The following GPALPP1 variants were observed in gnomAD, a reference collection of about 807,000 sequenced individuals.
The protein encoded by GPALPP1 is GPALPP motifs containing 1, also known as GPALPP motifs-containing protein 1.
Under a neutral mutation model 38.9 loss-of-function variants are expected in GPALPP1, and 30 were observed. The ratio of observed to expected loss-of-function variants is 0.77; its 90% confidence interval spans 0.58 to 1.05. The LOEUF (loss-of-function observed/expected upper bound fraction) is 1.05, where lower values mean the gene tolerates loss of function less well. GPALPP1 is among the 50% of genes least tolerant of loss of function. The pLI, the probability that GPALPP1 is intolerant of heterozygous loss-of-function variation, is 0.00. For synonymous variants in GPALPP1, 120 were observed against 139.2 expected (o/e 0.86, Z 0.97); for missense variants, 384 against 408.8 (o/e 0.94, Z 0.52).
At position 45,006,308 on chromosome 13, in the gene GPALPP1, T is replaced by G. The variant is rs1874102221; in HGVS notation, c.323+5T>G. 5 of 1,436,634 alleles carry G rather than the reference T, an allele frequency of 3.5e-6. No homozygotes were observed. Among genetic ancestry groups the G allele is most frequent in the Non-Finnish European group, 4.9e-6 (5 of 1,024,888 alleles). 89.0% of individuals were successfully genotyped at this position (1,436,634 alleles called of 1,614,324 possible). ...GCAGGATGATTCTCCTCCAAGGTGA[T>G]AATGTGTAATATTTTAGGCCAGTCT... On this transcript the variant is annotated splice_donor_5th_base_variant and intron_variant, in intron 3 of 7. Coordinates refer to ENST00000379151, the MANE Select transcript of GPALPP1 (RefSeq NM_018559.5).
intron 1 of GPALPP1, among the ~76,000 whole-genome samples, chr13:44,992,199 T>C (rs1872852822): frequency 6.6e-6 from 1 of 152,188 alleles, no homozygotes; most frequent in Non-Finnish European, 1.5e-5. Flanking sequence ...TTTGTAGCAA[T>C]ATCTCATGGT....
At chr13:44,999,560 A>G (rs1427458230) in intron 1 of GPALPP1, among the ~76,000 whole-genome samples, 2 of 152,200 alleles carry the variant, frequency 1.3e-5, no homozygotes, top group East Asian at 3.8e-4. Context: ...ATTGTGGCGT[A>G]TACTGACTGA....
chr13:45,033,572 AT>A (rs1219520098), downstream of GPALPP1: 1 of 152,160 alleles, frequency 6.6e-6, no homozygotes, highest in Non-Finnish European at 1.5e-5. Flanking sequence ...CTAAAGTGTA[AT>A]TTTTTATGTA....
intron 6 of GPALPP1, among the ~76,000 whole-genome samples, chr13:45,018,761 G>A (rs1374156669): frequency 6.6e-6 from 1 of 151,606 alleles, no homozygotes; most frequent in African/African-American, 2.4e-5. Context: ...CAATTTGGGA[G>A]CATATGCTCT....
chr13:45,015,640 G>T (rs1280641246), intron 6 of GPALPP1, 44 bp downstream of exon 6: 1 of 1,306,742 alleles, frequency 7.7e-7, no homozygotes, highest in South Asian at 2.1e-5. Context: ...TGTTCATGTT[G>T]GCTGGATTTT....
intron 1 of GPALPP1, among the ~76,000 whole-genome samples, chr13:44,991,060 C>T (rs921896781): frequency 1.3e-4 from 19 of 151,422 alleles, no homozygotes; most frequent in African/African-American, 3.9e-4. Flanking sequence ...TGCGCTCCAG[C>T]CTGGGCGACG....
In GPALPP1 at chr13:45,021,981, A is replaced by G. The variant is rs75767145; in HGVS notation, c.804+1553A>G. On this transcript the variant is annotated intron_variant, in intron 7 of 7. Coordinates refer to ENST00000379151, the MANE Select transcript of GPALPP1 (RefSeq NM_018559.5). ...ACAAAGAGTTGAACATGTTATTCTT[A>G]ATAGCCTCAAAAAAACTTATCCAAG... 4.5e-3 allele frequency among the ~76,000 whole-genome samples: 678 copies of G among 152,344 alleles called. 3 individuals are homozygous for G. The highest frequency in any genetic ancestry group is 0.016 in the African/African-American group (650 of 41,580).
chr13:44,995,138 C>T (rs1207207553), intron 1 of GPALPP1, among the ~76,000 whole-genome samples: 1 of 141,596 alleles, frequency 7.1e-6, no homozygotes, highest in Non-Finnish European at 1.5e-5. Context: ...AGGCGTGAGC[C>T]ACTGCACCCA....
downstream of GPALPP1, among the ~76,000 whole-genome samples, chr13:45,033,052 G>C (rs1876280037): frequency 6.7e-6 from 1 of 150,136 alleles, no homozygotes; most frequent in Admixed American, 6.6e-5. Context: ...AAAAAAAAAA[G>C]TGAGGTTGAG....
At chr13:45,023,746 G>T (rs1875582697) in intron 7 of GPALPP1, among the ~76,000 whole-genome samples, 1 of 152,136 alleles carries the variant, frequency 6.6e-6, no homozygotes, top group African/African-American at 2.4e-5. Flanking sequence ...TATCTCACTA[G>T]CAAGGAAAGA....
intron 7 of GPALPP1, among the ~76,000 whole-genome samples, chr13:45,027,045 A>G (rs1875880860): frequency 6.6e-6 from 1 of 152,146 alleles, no homozygotes; most frequent in Non-Finnish European, 1.5e-5. Context: ...CCATGCCTTC[A>G]TACTCCATAG....
At position 44,989,618 on chromosome 13, in the gene GPALPP1, A is replaced by G; in HGVS notation, c.-37A>G. On this transcript the variant is annotated 5_prime_UTR_variant, in exon 1 of 8. Transcript: ENST00000379151. ...TTTTGGATAGGGTTGACGTTCGTGG[A>G]TAGACTCATATCTGTGACCAGTGTC... 6.4e-7 allele frequency: 1 copy of G among 1,565,210 alleles called. No homozygotes were observed. The highest frequency in any genetic ancestry group is 8.8e-7 in the Non-Finnish European group (1 of 1,137,234).
At chr13:44,997,169 G>T (rs1873356319) in intron 1 of GPALPP1, among the ~76,000 whole-genome samples, 1 of 151,682 alleles carries the variant, frequency 6.6e-6, no homozygotes, top group South Asian at 2.1e-4. Flanking sequence ...CAGGTGTCAG[G>T]ATTACCTTCA....
chr13:44,995,071 T>C (rs1873150902), intron 1 of GPALPP1, among the ~76,000 whole-genome samples: 1 of 151,862 alleles, frequency 6.6e-6, no homozygotes, highest in South Asian at 2.1e-4. Flanking sequence ...AGGCTGGTCT[T>C]GAACTCCCGA....
chr13:44,990,766 A>G (rs541770235), intron 1 of GPALPP1, among the ~76,000 whole-genome samples: 13 of 152,170 alleles, frequency 8.5e-5, no homozygotes, highest in Non-Finnish European at 1.9e-4. Context: ...CCCCTTTCCA[A>G]TATAATTTCT....
chr13:45,026,564 T>C (rs1271632901), intron 7 of GPALPP1, among the ~76,000 whole-genome samples: 1 of 152,236 alleles, frequency 6.6e-6, no homozygotes, highest in African/African-American at 2.4e-5. Context: ...TGCCTTGTTA[T>C]TTTGCTTTCA....
At chr13:45,021,584 T>G (rs1875433342) in intron 7 of GPALPP1, among the ~76,000 whole-genome samples, 1 of 151,706 alleles carries the variant, frequency 6.6e-6, no homozygotes, top group Non-Finnish European at 1.5e-5. Context: ...AAGCTATGGC[T>G]GTGCCACTGC....
At chr13:45,015,408 CTG>C (rs1157835540) in intron 5 of GPALPP1, 22 bp from the exon 6 acceptor site, 10 of 1,463,124 alleles carry the variant, frequency 6.8e-6, no homozygotes, top group Non-Finnish European at 9.2e-6. Context: ...ACTTTCTATG[CTG>C]TGTTTTTTTT....
At chr13:44,992,165 GT>G (rs1200188202) in intron 1 of GPALPP1, among the ~76,000 whole-genome samples, 4 of 152,086 alleles carry the variant, frequency 2.6e-5, no homozygotes, top group Non-Finnish European at 5.9e-5. Context: ...CTAATATTTA[GT>G]TTTTTTCTTT....
Sources: allele counts gnomAD v4.1 joint callset (sites outside exome capture counted in the v4.1 genomes callset), GRCh38; gene constraint gnomAD v4.1.1; transcripts MANE v1.5; gene names NCBI Gene and HGNC (gene_info 2026-07-23, HGNC 2026-07-21).